DPP10: variants seen among roughly 807,000 people sequenced by gnomAD.
The protein encoded by DPP10 is dipeptidyl peptidase like 10.
A neutral mutation model predicts 120.9 loss-of-function variants in DPP10; 33 were observed. The ratio of observed to expected loss-of-function variants is 0.27; its 90% CI spans 0.21 to 0.37. DPP10 has a LOEUF of 0.37. DPP10 is among the 10% of genes least tolerant of loss of function. The probability of loss-of-function intolerance (pLI) is 1.00; values close to 1 mark genes in which losing one functional copy is unlikely to be tolerated. For synonymous variants in DPP10, 337 were observed against 326.1 expected (o/e 1.03, Z -0.36); for missense variants, 816 against 942.8 (o/e 0.87, Z 1.76).
intron 21 of DPP10, among the ~76,000 whole-genome samples, chr2:115,816,499 C>T (rs982427689): frequency 6.6e-6 from 1 of 152,184 alleles, no homozygotes; most frequent in African/African-American, 2.4e-5. Context: ...TCTGTGCTCT[C>T]TGCACGATAT....
chr2:114,857,362 G>A (rs1689454241), intron 1 of DPP10, among the ~76,000 whole-genome samples: 1 of 152,186 alleles, frequency 6.6e-6, no homozygotes, highest in Non-Finnish European at 1.5e-5. Flanking sequence ...GAGCCCTCCT[G>A]CCTTCTCATC....
At chr2:115,774,626 G>A (rs951857251) in intron 13 of DPP10, among the ~76,000 whole-genome samples, 1 of 152,064 alleles carries the variant, frequency 6.6e-6, no homozygotes, top group Admixed American at 6.6e-5. Flanking sequence ...ACGTCAGATA[G>A]TATACAAAGA....
At chr2:114,951,010 A>G (rs1278794787) in intron 1 of DPP10, among the ~76,000 whole-genome samples, 2 of 152,190 alleles carry the variant, frequency 1.3e-5, no homozygotes, top group African/African-American at 4.8e-5. Flanking sequence ...GTTATTCACT[A>G]TTGCACTGGA....
At chr2:115,648,314 A>C (rs1328344568) in intron 5 of DPP10, among the ~76,000 whole-genome samples, 2 of 152,120 alleles carry the variant, frequency 1.3e-5, no homozygotes, top group African/African-American at 4.8e-5. Context: ...ACAACATTAT[A>C]GTTAAATAGG....
rs1242156469 is a variant in DPP10, at chr2:115,843,060, G to C, written c.*715G>C. On this transcript the variant is annotated 3_prime_UTR_variant, in exon 26 of 26. Coordinates refer to ENST00000410059, the MANE Select transcript of DPP10 (RefSeq NM_020868.6). ...CTTTAAATGTTATTCATGCTATAAA[G>C]AGTAAACGTTTGATGAATTAGAAGA... The C allele has an allele frequency of 1.3e-5, 2 of 152,560 alleles. No individual in the cohort carries two copies. Among genetic ancestry groups the C allele is most frequent in the East Asian group, 3.9e-4 (2 of 5,182 alleles). The allele number at this position is 152,560 out of a possible 1,614,324, so 9.5% of individuals were successfully genotyped here.
chr2:114,863,040 G>GA (rs1309868149), intron 1 of DPP10, among the ~76,000 whole-genome samples: 2 of 152,144 alleles, frequency 1.3e-5, no homozygotes, highest in African/African-American at 4.8e-5. Context: ...GTTTGCCAGG[G>GA]AAAAAGTGTG....
At chr2:115,204,970 T>C (rs963742956) in intron 1 of DPP10, among the ~76,000 whole-genome samples, 1 of 152,130 alleles carries the variant, frequency 6.6e-6, no homozygotes, top group Admixed American at 6.6e-5. Flanking sequence ...TGTTTAAGTA[T>C]CTTATACATT....
chr2:115,700,512 T>C (rs998802153), intron 7 of DPP10, among the ~76,000 whole-genome samples: 1 of 152,102 alleles, frequency 6.6e-6, no homozygotes, highest in Admixed American at 6.6e-5. Flanking sequence ...AATAGTTTCT[T>C]TGAGATAAGA....
chr2:114,923,913 A>C (rs1393622826), intron 1 of DPP10, among the ~76,000 whole-genome samples: 1 of 152,140 alleles, frequency 6.6e-6, no homozygotes, highest in Non-Finnish European at 1.5e-5. Flanking sequence ...TTATAGAGAC[A>C]GGGTCTTGTT....
Position 114,513,103 on chromosome 2 carries a change from T to A in DPP10, c.60+70265T>A, listed in dbSNP as rs188612585. 1.0e-3 allele frequency among the ~76,000 whole-genome samples: 159 copies of A among 152,258 alleles called. 4 individuals carry two copies. Among genetic ancestry groups the A allele is most frequent in the Admixed American group, 9.4e-3 (143 of 15,286 alleles). ...GCTCCATAATTTACAAGGCTCTTTTTTTCACAGTGGGATTATTATTTCCCA... is the reference window on the plus strand; with the variant it reads ...GCTCCATAATTTACAAGGCTCTTTTATTCACAGTGGGATTATTATTTCCCA... On this transcript the variant is annotated intron_variant, in intron 1 of 25. Coordinates refer to ENST00000410059, the MANE Select transcript of DPP10 (RefSeq NM_020868.6).
chr2:115,641,141 CCT>C (rs1402454158), intron 5 of DPP10, among the ~76,000 whole-genome samples: 3 of 152,080 alleles, frequency 2.0e-5, no homozygotes, highest in Non-Finnish European at 4.4e-5. Flanking sequence ...TGCTCTTCAC[CCT>C]CTCTCCTAGC....
chr2:114,918,188 C>T (rs1352257258), intron 1 of DPP10, among the ~76,000 whole-genome samples: 1 of 151,998 alleles, frequency 6.6e-6, no homozygotes, highest in Non-Finnish European at 1.5e-5. Context: ...GGCCAACAAG[C>T]ATAGGAAAAA....
At chr2:115,177,333 T>C (rs2053759468) in intron 1 of DPP10, among the ~76,000 whole-genome samples, 1 of 152,234 alleles carries the variant, frequency 6.6e-6, no homozygotes, top group Admixed American at 6.5e-5. Context: ...AGGTGAATGC[T>C]TTGCTCCCGG....
At chr2:115,399,549 A>G (rs1487808640) in intron 3 of DPP10, among the ~76,000 whole-genome samples, 1 of 152,196 alleles carries the variant, frequency 6.6e-6, no homozygotes, top group Non-Finnish European at 1.5e-5. Context: ...TTATTAAAAA[A>G]TTGCTTTAAT....
intron 1 of DPP10, among the ~76,000 whole-genome samples, chr2:115,252,831 A>G (rs2058811978): frequency 6.6e-6 from 1 of 152,146 alleles, no homozygotes; most frequent in Non-Finnish European, 1.5e-5. Flanking sequence ...TAAATGAAAA[A>G]TCTCTCTTCT....
intron 19 of DPP10, among the ~76,000 whole-genome samples, chr2:115,798,186 C>T (rs559743337): frequency 1.4e-4 from 22 of 151,830 alleles, no homozygotes; most frequent in South Asian, 8.3e-4. Context: ...TATTGAACTT[C>T]GTAATTTACA....
At chr2:115,005,503 A>G (rs1701755728) in intron 1 of DPP10, among the ~76,000 whole-genome samples, 1 of 151,428 alleles carries the variant, frequency 6.6e-6, no homozygotes, top group African/African-American at 2.4e-5. Context: ...TAGAATAACC[A>G]ATACAGAGAA....
intron 1 of DPP10, among the ~76,000 whole-genome samples, chr2:115,126,524 T>C (rs1286739350): frequency 1.3e-5 from 2 of 152,184 alleles, no homozygotes; most frequent in Non-Finnish European, 2.9e-5. Context: ...ATGATATAAA[T>C]AGATAAAAGA....
rs143866589 is a variant in DPP10, at chr2:114,725,601, C to T, written c.60+282763C>T. ...GCTTTTCATATAACGATGATGAAGA[C>T]GGCTGATTTTTACTGAGCATTACTA... On this transcript the variant is annotated intron_variant, in intron 1 of 25. Coordinates refer to ENST00000410059, the MANE Select transcript of DPP10 (RefSeq NM_020868.6). Among the ~76,000 whole-genome samples the T allele has an allele frequency of 2.8e-3, 430 of 152,266 alleles. 4 individuals are homozygous for T. Among genetic ancestry groups the T allele is most frequent in the African/African-American group, 9.0e-3 (372 of 41,544 alleles).
Sources: gnomAD v4.1 joint callset for allele counts (sites outside exome capture counted in the v4.1 genomes callset) on GRCh38, gnomAD v4.1.1 for gene constraint, MANE v1.5 for transcripts, NCBI Gene and HGNC (gene_info 2026-07-23, HGNC 2026-07-21) for gene names.